The following ROBO2 variants were observed in gnomAD, a reference collection of about 807,000 sequenced individuals.
The protein encoded by ROBO2 is roundabout guidance receptor 2.
Under a neutral mutation model 160.8 loss-of-function variants are expected in ROBO2, and 53 were observed. That is an observed-to-expected ratio of 0.33 (90% CI 0.26 to 0.41). ROBO2 has a LOEUF of 0.41. Ranked by LOEUF, ROBO2 falls within the 10% of genes least tolerant of loss-of-function variation. ROBO2 has a pLI of 1.00. For synonymous variants in ROBO2, 664 were observed against 611.7 expected (o/e 1.09, Z -1.26); for missense variants, 1,577 against 1,722.4 (o/e 0.92, Z 1.49).
At chr3:76,624,656 C>T (rs535245594) in intron 2 of ROBO2, among the ~76,000 whole-genome samples, 24 of 151,408 alleles carry the variant, frequency 1.6e-4, no homozygotes, top group Admixed American at 4.6e-4. Flanking sequence ...AAAAATTAGC[C>T]GGGCATGGTG....
At chr3:76,397,973 G>A (rs1282007973) in intron 2 of ROBO2, among the ~76,000 whole-genome samples, 1 of 152,034 alleles carries the variant, frequency 6.6e-6, no homozygotes, top group African/African-American at 2.4e-5. Context: ...TCCCATTACT[G>A]GGTATATACC....
chr3:77,342,418 G>C (rs1020874051), intron 2 of ROBO2, among the ~76,000 whole-genome samples: 1 of 152,054 alleles, frequency 6.6e-6, no homozygotes, highest in Non-Finnish European at 1.5e-5. Context: ...TCTCTGGTTG[G>C]AATTGCAAGA....
intron 1 of ROBO2, among the ~76,000 whole-genome samples, chr3:77,057,514 G>A (rs377257027): frequency 1.0e-4 from 15 of 149,176 alleles, no homozygotes; most frequent in Admixed American, 6.7e-4. Context: ...TTTAGTCATT[G>A]CATTTTTGTG....
intron 2 of ROBO2, among the ~76,000 whole-genome samples, chr3:76,142,678 G>T (rs1190733324): frequency 2.0e-5 from 3 of 151,874 alleles, no homozygotes; most frequent in Non-Finnish European, 4.4e-5. Context: ...GGTAATGGGG[G>T]GCTAGTGGAG....
chr3:77,471,205 A>T (rs2083314760), intron 2 of ROBO2, among the ~76,000 whole-genome samples: 1 of 152,232 alleles, frequency 6.6e-6, no homozygotes, highest in Admixed American at 6.5e-5. Flanking sequence ...ATAAACTAAG[A>T]TGGAAATGAC....
intron 17 of ROBO2, among the ~76,000 whole-genome samples, chr3:77,592,710 C>A (rs1248461459): frequency 2.6e-5 from 4 of 152,122 alleles, no homozygotes; most frequent in African/African-American, 7.2e-5. Context: ...TGCCACTGCG[C>A]CCGGCTAATT....
chr3:77,382,716 C>T (rs570710467), intron 2 of ROBO2, among the ~76,000 whole-genome samples: 57 of 152,280 alleles, frequency 3.7e-4, no homozygotes, highest in African/African-American at 1.1e-3. Flanking sequence ...GAATGGCTTC[C>T]GCCTCCATCC....
chr3:76,622,320 C>A (rs1246597828), intron 2 of ROBO2, among the ~76,000 whole-genome samples: 1 of 115,972 alleles, frequency 8.6e-6, no homozygotes, highest in African/African-American at 2.8e-5. Flanking sequence ...GAAAACATAG[C>A]CAGGTGTAGT....
exon 12 of ROBO2, chr3:77,565,089 A>G (rs1360130351): frequency 6.2e-7 from 1 of 1,613,590 alleles, no homozygotes; most frequent in African/African-American, 1.3e-5. Flanking sequence ...TCAGTGACCC[A>G]AGTCCCATGT....
intron 2 of ROBO2, among the ~76,000 whole-genome samples, chr3:77,306,822 A>T (rs753370192): frequency 1.3e-5 from 2 of 151,982 alleles, no homozygotes; most frequent in Non-Finnish European, 2.9e-5. Context: ...CTGGACAATC[A>T]TTCACCCCAA....
chr3:76,999,155 CTT>C (rs575237879), intron 2 of ROBO2, among the ~76,000 whole-genome samples: 4 of 146,670 alleles, frequency 2.7e-5, no homozygotes, highest in African/African-American at 1.0e-4. Flanking sequence ...AGAAGTTTTC[CTT>C]TTTTTTTTAA....
chr3:77,422,246 G>A (rs551991491), intron 2 of ROBO2, among the ~76,000 whole-genome samples: 2 of 152,074 alleles, frequency 1.3e-5, no homozygotes, highest in South Asian at 4.1e-4. Flanking sequence ...GGGGATTAGC[G>A]GTTCCTTTTG....
chr3:76,109,304 A>G (rs891359349), intron 2 of ROBO2, among the ~76,000 whole-genome samples: 1 of 152,090 alleles, frequency 6.6e-6, no homozygotes, highest in African/African-American at 2.4e-5. Flanking sequence ...ATTGGTAGGA[A>G]CAAAATTAGA....
At chr3:76,963,673 T>G (rs897908027) in intron 2 of ROBO2, among the ~76,000 whole-genome samples, 6 of 151,956 alleles carry the variant, frequency 3.9e-5, no homozygotes, top group African/African-American at 1.4e-4. Flanking sequence ...GTAACTTTCT[T>G]CTACCCATAT....
chr3:77,344,768 G>GTTAA (rs2067449313), intron 2 of ROBO2, among the ~76,000 whole-genome samples: 1 of 152,174 alleles, frequency 6.6e-6, no homozygotes, highest in East Asian at 1.9e-4. Flanking sequence ...GATAGGTGAT[G>GTTAA]AGTACTTAGG....
intron 2 of ROBO2, 66 bp from the exon 3 acceptor site, chr3:77,477,348 C>G (rs2084134492): frequency 6.5e-7 from 1 of 1,533,248 alleles, no homozygotes; most frequent in African/African-American, 1.4e-5. Flanking sequence ...TTGAAGTTAC[C>G]TTGTACAACA....
chr3:76,139,349 A>C (rs183566561), intron 2 of ROBO2, among the ~76,000 whole-genome samples: 1,832 of 152,250 alleles, frequency 0.012, 15 homozygotes, highest in Non-Finnish European at 0.02. Context: ...TACAAAATGT[A>C]CAAATATTTA....
intron 2 of ROBO2, among the ~76,000 whole-genome samples, chr3:76,122,093 C>CA (rs1295192034): frequency 1.3e-5 from 2 of 152,200 alleles, no homozygotes. Flanking sequence ...GTAAGCCACA[C>CA]AAAAACACTA....
At chr3:76,757,666 A>G (rs1022853351) in intron 2 of ROBO2, among the ~76,000 whole-genome samples, 17 of 151,828 alleles carry the variant, frequency 1.1e-4, no homozygotes, top group African/African-American at 3.9e-4. Context: ...TTAATCAAAT[A>G]AACTATTATT....
Sources: allele counts gnomAD v4.1 joint callset (sites outside exome capture counted in the v4.1 genomes callset), GRCh38; gene constraint gnomAD v4.1.1; transcripts MANE v1.5; gene names NCBI Gene and HGNC (gene_info 2026-07-23, HGNC 2026-07-21).